Variants in PTPN12 observed in about 807,000 individuals in gnomAD.
PTPN12 encodes tyrosine-protein phosphatase non-receptor type 12.
In PTPN12, 29 loss-of-function variants were observed where a neutral mutation model predicts 97.6. That is an observed-to-expected ratio of 0.30 (90% CI 0.22 to 0.41). The LOEUF (loss-of-function observed/expected upper bound fraction) is 0.41. PTPN12 is among the 10% of genes least tolerant of loss of function. PTPN12 has a pLI of 1.00. For missense variants in PTPN12, 819 were observed against 926.0 expected, an observed-to-expected ratio of 0.88 and a Z score of 1.50; for synonymous variants, 327 against 300.4, an observed-to-expected ratio of 1.09 and a Z score of -0.91.
chr7:77,569,427 C>T (rs1366220021), intron 1 of PTPN12, among the ~76,000 whole-genome samples: 1 of 152,014 alleles, frequency 6.6e-6, no homozygotes, highest in African/African-American at 2.4e-5. Context: ...ACAAATTTAG[C>T]CAGTTTTGTA....
intron 1 of PTPN12, among the ~76,000 whole-genome samples, chr7:77,558,168 G>T (rs537576818): frequency 1.3e-4 from 18 of 140,254 alleles, no homozygotes; most frequent in Middle Eastern, 7.6e-3. Context: ...CCAAGATCAC[G>T]CCACTGCACT....
intron 13 of PTPN12, among the ~76,000 whole-genome samples, chr7:77,630,352 G>A (rs570313687): frequency 5.9e-5 from 9 of 152,162 alleles, no homozygotes; most frequent in African/African-American, 2.2e-4. Context: ...TTAATGGCAG[G>A]GATATGTTCT....
chr7:77,596,398 A>AT (rs557526529), intron 6 of PTPN12, among the ~76,000 whole-genome samples: 191 of 149,858 alleles, frequency 1.3e-3, no homozygotes, highest in South Asian at 2.7e-3. Context: ...TTTTAAAAAA[A>AT]TTTTTTTTTT....
chr7:77,573,083 A>AAAAAAAAAAAAAAAAC, intron 2 of PTPN12, among the ~76,000 whole-genome samples: 1 of 59,388 alleles, frequency 1.7e-5, no homozygotes, highest in South Asian at 5.4e-4. Flanking sequence ...ACTCTATCTC[A>AAAAAAAAAAAAAAAAC]AAAAAAAAAA....
chr7:77,541,242 C>T (rs1012469728), intron 1 of PTPN12, among the ~76,000 whole-genome samples: 3 of 152,122 alleles, frequency 2.0e-5, no homozygotes, highest in African/African-American at 7.2e-5. Flanking sequence ...TGGGCCCACC[C>T]CACCAAGCCC....
intron 13 of PTPN12, among the ~76,000 whole-genome samples, chr7:77,628,901 C>G (rs1472137462): frequency 6.6e-6 from 1 of 152,018 alleles, no homozygotes; most frequent in Non-Finnish European, 1.5e-5. Flanking sequence ...CTTGTATTTT[C>G]TCTCACACAT....
At chr7:77,625,472 G>GCTTGCGCGCGCTCTCTCT (rs1554326598) in intron 12 of PTPN12, among the ~76,000 whole-genome samples, 3 of 33,530 alleles carry the variant, frequency 8.9e-5, no homozygotes, top group African/African-American at 4.0e-4. Flanking sequence ...CAGGCTGCTC[G>GCTTGCGCGCGCTCTCTCT]CTCTCTCTCT....
Position 77,542,247 on chromosome 7 carries a change from A to AG in PTPN12, c.99+4605dup, listed in dbSNP as rs1477755710. Among the ~76,000 whole-genome samples, 4 of 152,230 alleles carry AG rather than the reference A, an allele frequency of 2.6e-5. No homozygotes were observed. In the East Asian group the frequency reaches 5.8e-4, roughly 22 times the overall value. ...TAACTCCTAGAGACATGGAGAAAGT[A>AG]GGGAGGTGTTAAGAAAATAGACATG... On this transcript the variant is annotated intron_variant, in intron 1 of 17. Transcript: ENST00000248594.
intron 14 of PTPN12, among the ~76,000 whole-genome samples, chr7:77,632,626 C>T (rs958651399): frequency 2.0e-5 from 3 of 152,126 alleles, no homozygotes; most frequent in Non-Finnish European, 2.9e-5. Context: ...ATAGAAATTA[C>T]TGCATTTATG....
chr7:77,565,956 G>C (rs1479683705), intron 1 of PTPN12, among the ~76,000 whole-genome samples: 1 of 152,210 alleles, frequency 6.6e-6, no homozygotes, highest in African/African-American at 2.4e-5. Context: ...TAGATTAGTG[G>C]ACGAGACAGA....
chr7:77,554,067 G>A (rs1047909811), intron 1 of PTPN12, among the ~76,000 whole-genome samples: 2 of 152,104 alleles, frequency 1.3e-5, no homozygotes, highest in Non-Finnish European at 1.5e-5. Flanking sequence ...CTGGGCTCAC[G>A]TGATCCTCCT....
intron 12 of PTPN12, among the ~76,000 whole-genome samples, chr7:77,620,228 A>G (rs1356372055): frequency 6.6e-6 from 1 of 152,256 alleles, no homozygotes; most frequent in Non-Finnish European, 1.5e-5. Flanking sequence ...TTAATTTTAC[A>G]GGAAAAAAGA....
rs1182456419 is a variant in PTPN12 at position 77,537,443 on chromosome 7, G to A, written c.-104G>A. Reference sequence around the variant, plus strand: ...CGCGGGGCTTGGCGGGGTCGGGAGGGAGGGACGTGCTGGGGGAACGAGCTG... The same window carrying A: ...CGCGGGGCTTGGCGGGGTCGGGAGGAAGGGACGTGCTGGGGGAACGAGCTG... On this transcript the variant is annotated 5_prime_UTR_variant, in exon 1 of 18. Transcript: ENST00000248594. The A allele has an allele frequency of 4.3e-6, 6 of 1,395,160 alleles. No individual in the cohort carries two copies. Among genetic ancestry groups the A allele is most frequent in the Non-Finnish European group, 5.6e-6 (6 of 1,067,550 alleles). 86.4% of individuals were successfully genotyped at this position (1,395,160 alleles called of 1,614,324 possible). A position where few individuals can be genotyped will look rare whatever the true frequency, so the allele number is the denominator to read the frequency against.
At chr7:77,620,086 G>A (rs1219371020) in intron 12 of PTPN12, among the ~76,000 whole-genome samples, 1 of 152,078 alleles carries the variant, frequency 6.6e-6, no homozygotes, top group East Asian at 1.9e-4. Context: ...AAAAATTAAG[G>A]AACATTTTTG....
intron 1 of PTPN12, among the ~76,000 whole-genome samples, chr7:77,541,394 A>G (rs1361181594): frequency 6.6e-6 from 1 of 152,114 alleles, no homozygotes; most frequent in African/African-American, 2.4e-5. Flanking sequence ...CCGGCCTACT[A>G]CTTGGTAACT....
At chr7:77,609,706 CT>C (rs1380385561) in intron 9 of PTPN12, among the ~76,000 whole-genome samples, 2 of 150,654 alleles carry the variant, frequency 1.3e-5, no homozygotes, top group Non-Finnish European at 3.0e-5. Flanking sequence ...CGGTGAAACC[CT>C]GTCTCTACTA....
intron 1 of PTPN12, among the ~76,000 whole-genome samples, chr7:77,560,063 G>C (rs774633740): frequency 6.6e-6 from 1 of 152,212 alleles, no homozygotes; most frequent in African/African-American, 2.4e-5. Flanking sequence ...GCATAGGATA[G>C]GTTAGGTGGA....
At chr7:77,615,485 G>GCCTATAATC (rs1219554048) in intron 11 of PTPN12, among the ~76,000 whole-genome samples, 1 of 152,190 alleles carries the variant, frequency 6.6e-6, no homozygotes, top group Non-Finnish European at 1.5e-5. Context: ...CTCATTTCAT[G>GCCTATAATC]CCTATAATCC....
At chr7:77,614,706 AT>A (rs1225570349) in intron 11 of PTPN12, among the ~76,000 whole-genome samples, 4 of 152,222 alleles carry the variant, frequency 2.6e-5, no homozygotes, top group African/African-American at 7.2e-5. Context: ...GTTGCAGACC[AT>A]AAATCTTAAA....
Sources: allele counts gnomAD v4.1 joint callset (sites outside exome capture counted in the v4.1 genomes callset), GRCh38; gene constraint gnomAD v4.1.1; transcripts MANE v1.5; gene names NCBI Gene and HGNC (gene_info 2026-07-23, HGNC 2026-07-21).